PTPRD: variants seen among roughly 807,000 people sequenced by gnomAD.
PTPRD encodes the protein protein tyrosine phosphatase receptor type D, also known as receptor-type tyrosine-protein phosphatase delta.
A neutral mutation model predicts 214.5 loss-of-function variants in PTPRD; 34 were observed. The ratio of observed to expected loss-of-function variants is 0.16; its 90% CI spans 0.12 to 0.21. The LOEUF is 0.21. Among genes scored for constraint, PTPRD ranks in the 10% least tolerant of loss-of-function variants. The pLI, the probability that PTPRD is intolerant of heterozygous loss-of-function variation, is 1.00. For synonymous variants in PTPRD, 1,128 were observed against 845.7 expected (o/e 1.33, Z -5.79); for missense variants, 2,545 against 2,398.7 (o/e 1.06, Z -1.27).
chr9:9,198,446 C>T (rs1418591615), intron 9 of PTPRD, among the ~76,000 whole-genome samples: 3 of 151,906 alleles, frequency 2.0e-5, no homozygotes. Flanking sequence ...AACATGGACT[C>T]ACTTAGAATT....
chr9:9,669,479 A>G (rs1011302677), intron 7 of PTPRD, among the ~76,000 whole-genome samples: 4 of 152,232 alleles, frequency 2.6e-5, no homozygotes, highest in Admixed American at 2.6e-4. Context: ...AGTGCTTTAG[A>G]AGGAATAAAG....
intron 11 of PTPRD, among the ~76,000 whole-genome samples, chr9:8,752,097 A>C (rs1212382446): frequency 6.6e-6 from 1 of 152,142 alleles, no homozygotes; most frequent in Non-Finnish European, 1.5e-5. Flanking sequence ...TGTGTGAACC[A>C]GAGCAACTTT....
chr9:10,015,703 G>A (rs1006587255), intron 4 of PTPRD, among the ~76,000 whole-genome samples: 5 of 152,124 alleles, frequency 3.3e-5, no homozygotes, highest in African/African-American at 4.8e-5. Context: ...AGAAGGAAGA[G>A]GAGTAGCAGA....
chr9:10,349,425 A>G (rs561238947), intron 2 of PTPRD, among the ~76,000 whole-genome samples: 6 of 152,280 alleles, frequency 3.9e-5, no homozygotes, highest in Non-Finnish European at 4.4e-5. Flanking sequence ...TCCAGTTAAC[A>G]TTGTGGCCTA....
chr9:9,024,744 A>G (rs773172937), intron 10 of PTPRD, among the ~76,000 whole-genome samples: 1 of 151,840 alleles, frequency 6.6e-6, no homozygotes, highest in Non-Finnish European at 1.5e-5. Flanking sequence ...ATTGTTGCCT[A>G]CTTATCTATT....
At chr9:8,369,416 G>A (rs1306043920) in intron 39 of PTPRD, among the ~76,000 whole-genome samples, 1 of 151,832 alleles carries the variant, frequency 6.6e-6, no homozygotes, top group African/African-American at 2.4e-5. Context: ...AAAGTATTAT[G>A]AAGATTGGAA....
At chr9:9,161,967 AT>A (rs757926109) in intron 10 of PTPRD, among the ~76,000 whole-genome samples, 11 of 151,590 alleles carry the variant, frequency 7.3e-5, no homozygotes, top group South Asian at 4.2e-4. Context: ...TCATTTTAAG[AT>A]TTTTTTTTGT....
intron 14 of PTPRD, among the ~76,000 whole-genome samples, chr9:8,549,579 G>A (rs1056712321): frequency 2.0e-5 from 3 of 152,096 alleles, no homozygotes; most frequent in African/African-American, 7.2e-5. Flanking sequence ...ATATTATTTT[G>A]CATTGTAGAT....
chr9:9,143,342 T>C (rs2099863438), intron 10 of PTPRD, among the ~76,000 whole-genome samples: 1 of 152,192 alleles, frequency 6.6e-6, no homozygotes, highest in Non-Finnish European at 1.5e-5. Context: ...TCAGCAATTT[T>C]GACTCTTATT....
chr9:10,157,889 T>A (rs546385172), intron 3 of PTPRD, among the ~76,000 whole-genome samples: 1 of 152,182 alleles, frequency 6.6e-6, no homozygotes, highest in Non-Finnish European at 1.5e-5. Context: ...AGAAAGCCAG[T>A]CTTCAAGCTC....
intron 10 of PTPRD, among the ~76,000 whole-genome samples, chr9:9,147,048 A>G (rs760235756): frequency 3.5e-4 from 54 of 152,280 alleles, no homozygotes; most frequent in Middle Eastern, 6.8e-3. Flanking sequence ...GACTTTAACT[A>G]CCACCAAATT....
At chr9:9,949,054 G>C (rs1422521631) in intron 4 of PTPRD, among the ~76,000 whole-genome samples, 1 of 151,974 alleles carries the variant, frequency 6.6e-6, no homozygotes, top group Non-Finnish European at 1.5e-5. Context: ...AAGATGTAGA[G>C]CAAAAATTAT....
intron 12 of PTPRD, among the ~76,000 whole-genome samples, chr9:8,716,615 A>G (rs1435524183): frequency 2.3e-5 from 3 of 127,786 alleles, no homozygotes; most frequent in African/African-American, 1.6e-4. Context: ...TTTAGCCTCA[A>G]TATTATTGTA....
intron 12 of PTPRD, among the ~76,000 whole-genome samples, chr9:8,719,231 G>A (rs770926934): frequency 2.1e-4 from 32 of 152,106 alleles, no homozygotes; most frequent in Non-Finnish European, 4.1e-4. Flanking sequence ...AATTTGAAAT[G>A]GCACTAACAG....
intron 10 of PTPRD, among the ~76,000 whole-genome samples, chr9:9,096,525 AG>A (rs1452808244): frequency 2.0e-5 from 3 of 152,224 alleles, no homozygotes; most frequent in African/African-American, 7.2e-5. Flanking sequence ...GTTAACCTGT[AG>A]AAAACTATAT....
At chr9:10,420,545 G>A (rs2098536469) in intron 2 of PTPRD, among the ~76,000 whole-genome samples, 1 of 149,730 alleles carries the variant, frequency 6.7e-6, no homozygotes, top group African/African-American at 2.4e-5. Flanking sequence ...GTCCTTTAAG[G>A]TACAAACGAC....
chr9:10,511,301 G>A (rs1025329565), intron 2 of PTPRD, among the ~76,000 whole-genome samples: 1 of 152,114 alleles, frequency 6.6e-6, no homozygotes, highest in African/African-American at 2.4e-5. Context: ...GGATTGCCAG[G>A]TCAGAAGATA....
chr9:8,887,090 T>C (rs1248019022), intron 11 of PTPRD, among the ~76,000 whole-genome samples: 3 of 152,184 alleles, frequency 2.0e-5, no homozygotes, highest in African/African-American at 7.2e-5. Context: ...TTAACTGAGG[T>C]ACAGAAATAT....
chr9:8,762,661 A>C (rs2094483148), intron 11 of PTPRD, among the ~76,000 whole-genome samples: 1 of 152,182 alleles, frequency 6.6e-6, no homozygotes. Flanking sequence ...GTGCTCAGGA[A>C]AAGAAATATT....
Sources: gnomAD v4.1 joint callset for allele counts (sites outside exome capture counted in the v4.1 genomes callset) on GRCh38, gnomAD v4.1.1 for gene constraint, MANE v1.5 for transcripts, NCBI Gene and HGNC (gene_info 2026-07-23, HGNC 2026-07-21) for gene names.